RC3H2: variants seen among roughly 807,000 people sequenced by gnomAD.
RC3H2 encodes the protein ring finger and CCCH-type domains 2.
RC3H2 carries 31 observed loss-of-function variants against 133.3 expected under a neutral mutation model. The ratio of observed to expected loss-of-function variants is 0.23; its 90% confidence interval spans 0.17 to 0.31. The LOEUF (loss-of-function observed/expected upper bound fraction) is 0.31. RC3H2 is among the 10% of genes least tolerant of loss of function. The pLI, the probability that RC3H2 is intolerant of heterozygous loss-of-function variation, is 1.00. For missense variants in RC3H2, 1,175 were observed against 1,437.2 expected, an observed-to-expected ratio of 0.82 and a Z score of 2.95; for synonymous variants, 517 against 502.2, an observed-to-expected ratio of 1.03 and a Z score of -0.40.
Position 122,854,626 on chromosome 9 carries a change from G to A in RC3H2, c.2816-11C>T, listed in dbSNP as rs1483946887. 9 of 1,589,656 alleles carry A rather than the reference G, an allele frequency of 5.7e-6. No homozygotes were observed. The highest frequency in any genetic ancestry group is 7.8e-6 in the Non-Finnish European group (9 of 1,157,706). The stretch of plus-strand genomic sequence containing the variant: ...CATAAGGGACATAATCTACAGACAT[G>A]TAGAATGAAACAATGGTCAAAAAAG... On this transcript the variant is annotated splice_polypyrimidine_tract_variant and intron_variant, in intron 15 of 20. Transcript: ENST00000357244.
At chr9:122,866,837 A>G (rs1371565390) in intron 9 of RC3H2, among the ~76,000 whole-genome samples, 1 of 152,008 alleles carries the variant, frequency 6.6e-6, no homozygotes, top group Non-Finnish European at 1.5e-5. Flanking sequence ...CCCGTCTGGG[A>G]AGTGAGGAGC....
In RC3H2 at chr9:122,905,271, C is replaced by G. The variant is rs1588123202; in HGVS notation, c.-229G>C. 1 of 985,854 alleles carries G rather than the reference C, an allele frequency of 1.0e-6. No homozygotes were observed. The allele number at this position is 985,854 out of a possible 1,614,324, so 61.1% of individuals were successfully genotyped here. On this transcript the variant is annotated 5_prime_UTR_variant, in exon 1 of 21. Coordinates refer to ENST00000357244, the MANE Select transcript of RC3H2 (RefSeq NM_001100588.3). ...ACAGGGACAGCCCCGTTGGCGGCGGCGAAGGCCGCGACGGGGCCTCCTCCT... is the reference window on the plus strand; with the variant it reads ...ACAGGGACAGCCCCGTTGGCGGCGGGGAAGGCCGCGACGGGGCCTCCTCCT...
chr9:122,901,301 T>A (rs139664866), intron 1 of RC3H2, among the ~76,000 whole-genome samples: 120 of 152,282 alleles, frequency 7.9e-4, no homozygotes, highest in Non-Finnish European at 1.2e-3. Flanking sequence ...TTTAGAAAAC[T>A]TAAAAATAAT....
At chr9:122,868,116 G>C (rs1255737568) in intron 9 of RC3H2, among the ~76,000 whole-genome samples, 1 of 144,736 alleles carries the variant, frequency 6.9e-6, no homozygotes, top group Non-Finnish European at 1.5e-5. Context: ...CAGGAGGGAG[G>C]TGGGGGTGTC....
intron 10 of RC3H2, among the ~76,000 whole-genome samples, chr9:122,864,235 T>C (rs760137992): frequency 6.6e-6 from 1 of 152,194 alleles, no homozygotes; most frequent in Non-Finnish European, 1.5e-5. Flanking sequence ...TATTAAAATA[T>C]TCATCAATCT....
chr9:122,883,052 G>C, intron 5 of RC3H2, 152 bp downstream of exon 5: 1 of 637,164 alleles, frequency 1.6e-6, no homozygotes, highest in South Asian at 2.2e-5. Context: ...CCAAAAGGTG[G>C]TATCACAGAT....
intron 2 of RC3H2, 59 bp from the exon 3 acceptor site, chr9:122,893,085 T>C: frequency 6.4e-7 from 1 of 1,564,360 alleles, no homozygotes; most frequent in Non-Finnish European, 8.6e-7. Flanking sequence ...CATGCAACTA[T>C]TATTTATGTA....
intron 10 of RC3H2, among the ~76,000 whole-genome samples, chr9:122,862,243 TCAA>T (rs1330037990): frequency 2.6e-5 from 4 of 152,198 alleles, no homozygotes; most frequent in African/African-American, 9.6e-5. Context: ...CATGATAAGG[TCAA>T]CATTTATCAC....
At chr9:122,877,403 G>T in intron 9 of RC3H2, 68 bp downstream of exon 9, 3 of 1,222,438 alleles carry the variant, frequency 2.5e-6, no homozygotes, top group Non-Finnish European at 3.6e-6. Context: ...CAAACTTCAG[G>T]ACTGTATATA....
At chr9:122,890,686 T>C in intron 3 of RC3H2, 141 bp from the exon 4 acceptor site, 1 of 644,736 alleles carries the variant, frequency 1.6e-6, no homozygotes. Flanking sequence ...AACAGTATTC[T>C]GTCTCTGTTT....
At chr9:122,866,641 G>C (rs1391989607) in intron 9 of RC3H2, among the ~76,000 whole-genome samples, 1 of 152,092 alleles carries the variant, frequency 6.6e-6, no homozygotes, top group South Asian at 2.1e-4. Flanking sequence ...TCCTAGCCGC[G>C]AGTGATCCGC....
Position 122,874,525 on chromosome 9 carries a change from T to C in RC3H2, c.1325+2946A>G, listed in dbSNP as rs1831250059. 1.4e-5 allele frequency: 2 copies of C among 141,952 alleles called. 1 individual carries two copies. The highest frequency in any genetic ancestry group is 3.0e-5 in the Non-Finnish European group (2 of 67,218). The allele number at this position is 141,952 out of a possible 1,614,324, so 8.8% of individuals were successfully genotyped here. A position where few individuals can be genotyped will look rare whatever the true frequency, so the allele number is the denominator to read the frequency against. Reference sequence around the variant, plus strand: ...TTTATTATTTTATTATTTTTATTTATTTATATTTTTGAGACAGAGTCTTGC... The same window carrying C: ...TTTATTATTTTATTATTTTTATTTACTTATATTTTTGAGACAGAGTCTTGC... On this transcript the variant is annotated intron_variant, in intron 9 of 20. Transcript: ENST00000357244.
At chr9:122,896,969 T>C (rs569063057) in intron 2 of RC3H2, among the ~76,000 whole-genome samples, 25 of 132,028 alleles carry the variant, frequency 1.9e-4, no homozygotes, top group African/African-American at 7.1e-4. Flanking sequence ...GAGGTTGCAG[T>C]GAGCCCAGAT....
intron 1 of RC3H2, among the ~76,000 whole-genome samples, chr9:122,899,895 C>G (rs1832590989): frequency 6.6e-6 from 1 of 152,182 alleles, no homozygotes; most frequent in Non-Finnish European, 1.5e-5. Flanking sequence ...TCACAGGCCA[C>G]CTGGTAGTAC....
intron 9 of RC3H2, among the ~76,000 whole-genome samples, chr9:122,869,762 G>A (rs893879094): frequency 5.3e-5 from 8 of 151,922 alleles, no homozygotes; most frequent in African/African-American, 1.9e-4. Context: ...TAGAGATGGG[G>A]TTTCATCATG....
intron 9 of RC3H2, among the ~76,000 whole-genome samples, chr9:122,868,915 TG>T (rs1305267420): frequency 0.011 from 509 of 47,510 alleles, 65 homozygotes; most frequent in African/African-American, 0.044. Flanking sequence ...TTTTTTTTTG[TG>T]GGGGGGTTAA....
chr9:122,867,489 C>T (rs1830758827), intron 9 of RC3H2, among the ~76,000 whole-genome samples: 2 of 146,376 alleles, frequency 1.4e-5, no homozygotes, highest in South Asian at 4.4e-4. Context: ...GCCAGCCGCC[C>T]TGTCGGGGAT....
At chr9:122,882,984 G>A (rs1022270053) in intron 5 of RC3H2, among the ~76,000 whole-genome samples, 1 of 152,076 alleles carries the variant, frequency 6.6e-6, no homozygotes, top group African/African-American at 2.4e-5. Flanking sequence ...TGTTCTTTCC[G>A]TTACTGACAT....
Position 122,857,922 on chromosome 9 carries a change from C to T in RC3H2, c.2454+1G>A, listed in dbSNP as rs149383248. ...CATTAAGTAATTAAAACCTTTCTTACATCCGCACGAAAGTCTACACTGAAC... is the reference window on the plus strand; with the variant it reads ...CATTAAGTAATTAAAACCTTTCTTATATCCGCACGAAAGTCTACACTGAAC... On this transcript the variant is annotated splice_donor_variant, in intron 13 of 20. Coordinates refer to ENST00000357244, the MANE Select transcript of RC3H2 (RefSeq NM_001100588.3). LOFTEE classifies it high-confidence loss of function. 5.6e-6 allele frequency: 9 copies of T among 1,611,962 alleles called. No individual in the cohort carries two copies. The East Asian group carries it at 1.8e-4, about 32-fold the overall frequency.
Sources: allele counts gnomAD v4.1 joint callset (sites outside exome capture counted in the v4.1 genomes callset), GRCh38; gene constraint gnomAD v4.1.1; transcripts MANE v1.5; gene names NCBI Gene and HGNC (gene_info 2026-07-23, HGNC 2026-07-21).